Variants in PSD3 observed in about 807,000 individuals in gnomAD.
The protein encoded by PSD3 is pleckstrin and Sec7 domain containing 3, also known as PH and SEC7 domain-containing protein 3.
In PSD3, 49 loss-of-function variants were observed where a neutral mutation model predicts 105.5. The ratio of observed to expected loss-of-function variants is 0.46; its 90% CI spans 0.37 to 0.59. The LOEUF (loss-of-function observed/expected upper bound fraction) is 0.59, where lower values mean the gene tolerates loss of function less well. Ranked by LOEUF, PSD3 falls within the 20% of genes least tolerant of loss-of-function variation. PSD3 has a pLI of 0.00. For missense variants in PSD3, 1,561 were observed against 1,263.8 expected (o/e 1.24, Z -3.57); for synonymous variants, 557 against 457.8 (o/e 1.22, Z -2.77).
intron 9 of PSD3, among the ~76,000 whole-genome samples, chr8:18,722,790 T>C (rs1803080131): frequency 3.9e-5 from 6 of 152,162 alleles, no homozygotes; most frequent in Admixed American, 3.9e-4. Context: ...ATCTCATCTA[T>C]CTATAGAGCC....
In PSD3 at chr8:18,978,544, C is replaced by G. The variant is rs11995696; in HGVS notation, c.21+35019G>C. 8.3e-3 allele frequency among the ~76,000 whole-genome samples: 1,268 copies of G among 152,262 alleles called. 14 individuals carry two copies. The highest frequency in any genetic ancestry group is 0.028 in the African/African-American group (1,160 of 41,532). On this transcript the variant is annotated intron_variant, in intron 1 of 15. Coordinates refer to ENST00000327040, the MANE Select transcript of PSD3 (RefSeq NM_015310.4). ...CCTCTCCTTAACATCTCTCCATAAC[C>G]TGAGATGGCTACATCTATGGTTGGA...
intron 14 of PSD3, among the ~76,000 whole-genome samples, chr8:18,568,168 T>C (rs1801909541): frequency 6.6e-6 from 1 of 152,182 alleles, no homozygotes; most frequent in Non-Finnish European, 1.5e-5. Context: ...ACCTCTCTTC[T>C]TTCTAAATGA....
chr8:19,074,287 G>T (rs960434299), intron 1 of PSD3, among the ~76,000 whole-genome samples: 2 of 152,038 alleles, frequency 1.3e-5, no homozygotes, highest in Middle Eastern at 3.4e-3. Context: ...CGTCTTGCAG[G>T]GTGGCCTTAT....
At chr8:18,577,100 G>C (rs543326642) in intron 12 of PSD3, among the ~76,000 whole-genome samples, 39 of 151,930 alleles carry the variant, frequency 2.6e-4, no homozygotes, top group Non-Finnish European at 4.7e-4. Flanking sequence ...GCAGAGTTTG[G>C]GAAAGAAGAG....
chr8:19,018,357 T>C (rs1827240028), upstream of PSD3, among the ~76,000 whole-genome samples: 1 of 119,700 alleles, frequency 8.4e-6, no homozygotes, highest in Admixed American at 7.5e-5. Flanking sequence ...AAATGCTCTT[T>C]TTAAAAAAAA....
At chr8:18,571,857 G>A (rs1200110999) in intron 14 of PSD3, among the ~76,000 whole-genome samples, 1 of 151,788 alleles carries the variant, frequency 6.6e-6, no homozygotes, top group African/African-American at 2.4e-5. Context: ...TCAATGGCAA[G>A]GGGGTACTAC....
intron 2 of PSD3, among the ~76,000 whole-genome samples, chr8:18,890,659 A>C (rs1266178200): frequency 1.3e-5 from 2 of 152,176 alleles, no homozygotes. Flanking sequence ...TGTAATAAAG[A>C]GGTAATTACA....
At chr8:18,832,734 G>A (rs1029227569) in intron 4 of PSD3, among the ~76,000 whole-genome samples, 3 of 152,220 alleles carry the variant, frequency 2.0e-5, no homozygotes, top group East Asian at 1.9e-4. Context: ...TCGTCATGGT[G>A]GAAGGCAGAG....
intron 8 of PSD3, among the ~76,000 whole-genome samples, chr8:18,780,674 C>T (rs1324623264): frequency 6.6e-6 from 1 of 152,136 alleles, no homozygotes; most frequent in African/African-American, 2.4e-5. Context: ...CTACCTCAGC[C>T]TCCTGAGTAG....
At chr8:18,845,584 T>C (rs1461721427) in intron 4 of PSD3, among the ~76,000 whole-genome samples, 1 of 152,204 alleles carries the variant, frequency 6.6e-6, no homozygotes, top group African/African-American at 2.4e-5. Flanking sequence ...TCACTCCCTC[T>C]TCTCCCTCCC....
chr8:19,049,694 A>G (rs1290342940), intron 1 of PSD3, among the ~76,000 whole-genome samples: 2 of 112,264 alleles, frequency 1.8e-5, no homozygotes, highest in Admixed American at 1.5e-4. Flanking sequence ...CTGTCTCAAA[A>G]AAAAAAAAAA....
intron 11 of PSD3, among the ~76,000 whole-genome samples, chr8:18,609,372 T>C (rs1042985290): frequency 6.6e-6 from 1 of 152,168 alleles, no homozygotes; most frequent in Non-Finnish European, 1.5e-5. Context: ...CGGAGAAAGA[T>C]ATTCACAATA....
intron 11 of PSD3, among the ~76,000 whole-genome samples, chr8:18,616,844 C>T (rs1338936720): frequency 1.3e-5 from 2 of 151,748 alleles, no homozygotes; most frequent in East Asian, 3.9e-4. Context: ...GGGATGGTCT[C>T]GATCTCGTGA....
chr8:18,642,504 A>T (rs994704674), intron 10 of PSD3, among the ~76,000 whole-genome samples: 29 of 152,190 alleles, frequency 1.9e-4, no homozygotes, highest in African/African-American at 6.8e-4. Flanking sequence ...CAATTGATAT[A>T]GAGGATATAA....
intron 6 of PSD3, chr8:18,802,501 T>C (rs1185882305): frequency 3.8e-5 from 8 of 212,182 alleles, no homozygotes; most frequent in Non-Finnish European, 8.1e-5. Flanking sequence ...AACTATATAT[T>C]GACAAAACTT....
intron 1 of PSD3, among the ~76,000 whole-genome samples, chr8:19,002,957 G>C (rs75458706): frequency 0.14 from 21,506 of 151,984 alleles, 1,784 homozygotes; most frequent in African/African-American, 0.16. Flanking sequence ...AATAATTCCA[G>C]TTCCCACTCA....
At chr8:19,072,299 C>G (rs374734844) in intron 1 of PSD3, among the ~76,000 whole-genome samples, 1 of 149,506 alleles carries the variant, frequency 6.7e-6, no homozygotes, top group African/African-American at 2.6e-5. Flanking sequence ...GTTTGTCAGG[C>G]TGGTCTCGAA....
intron 8 of PSD3, among the ~76,000 whole-genome samples, chr8:18,781,253 G>A (rs1419479660): frequency 1.3e-5 from 2 of 152,154 alleles, no homozygotes; most frequent in East Asian, 1.9e-4. Context: ...CAATGTAAAT[G>A]TTATTGTACT....
chr8:18,928,236 G>C (rs1821504336), intron 2 of PSD3, among the ~76,000 whole-genome samples: 1 of 152,148 alleles, frequency 6.6e-6, no homozygotes, highest in Non-Finnish European at 1.5e-5. Context: ...TAGCAAATAA[G>C]TCTCATGAGA....
Sources: allele counts gnomAD v4.1 joint callset (sites outside exome capture counted in the v4.1 genomes callset), GRCh38; gene constraint gnomAD v4.1.1; transcripts MANE v1.5; gene names NCBI Gene and HGNC (gene_info 2026-07-23, HGNC 2026-07-21).